SLC25A40: variants seen among roughly 807,000 people sequenced by gnomAD.
SLC25A40 encodes mitochondrial glutathione transporter SLC25A40.
SLC25A40 carries 41 observed loss-of-function variants against 46.5 expected under a neutral mutation model. That is an observed-to-expected ratio of 0.88 (90% CI 0.69 to 1.14). The LOEUF is 1.14. Ranked by LOEUF, SLC25A40 falls within the 50% of genes most tolerant of loss-of-function variation. SLC25A40 has a pLI of 0.00. For missense variants in SLC25A40, 386 were observed against 393.6 expected, an observed-to-expected ratio of 0.98 and a Z score of 0.16; for synonymous variants, 126 against 127.5, an observed-to-expected ratio of 0.99 and a Z score of 0.08.
chr7:87,864,937 T>A (rs767400540), intron 1 of SLC25A40, among the ~76,000 whole-genome samples: 3 of 152,068 alleles, frequency 2.0e-5, no homozygotes, highest in Non-Finnish European at 2.9e-5. Flanking sequence ...TTTTCTTTGT[T>A]AGCATGTTTT....
chr7:87,866,241 TC>T (rs1838796721), intron 1 of SLC25A40, among the ~76,000 whole-genome samples: 1 of 152,228 alleles, frequency 6.6e-6, no homozygotes, highest in Non-Finnish European at 1.5e-5. Context: ...TGGTGAATCC[TC>T]CTAGCTTTTG....
At chr7:87,849,688 G>A (rs1293931027) in intron 6 of SLC25A40, among the ~76,000 whole-genome samples, 193 bp downstream of exon 6, 1 of 152,162 alleles carries the variant, frequency 6.6e-6, no homozygotes, top group Non-Finnish European at 1.5e-5. Flanking sequence ...ATCTGTGAAT[G>A]TAACCTCTTC....
At chr7:87,841,488 C>G (rs558248924) in intron 10 of SLC25A40, 145 bp downstream of exon 10, 2 of 426,822 alleles carry the variant, frequency 4.7e-6, no homozygotes, top group Non-Finnish European at 7.9e-6. Context: ...GTATTCCATT[C>G]TAACAGTATA....
At chr7:87,839,359 C>CTAAG (rs142350880) in intron 10 of SLC25A40, among the ~76,000 whole-genome samples, 15,767 of 149,578 alleles carry the variant, frequency 0.11, 1,032 homozygotes, top group African/African-American at 0.19. Flanking sequence ...AACCAACGTA[C>CTAAG]TATTTATTAA....
chr7:87,861,535 A>G (rs1196234746), intron 1 of SLC25A40, among the ~76,000 whole-genome samples: 3 of 152,216 alleles, frequency 2.0e-5, no homozygotes, highest in African/African-American at 7.2e-5. Context: ...GTAAACATAT[A>G]CCATATTTCA....
Position 87,833,942 on chromosome 7 carries a change from T to C in SLC25A40, c.*2307A>G, listed in dbSNP as rs1044654870. ...TCCTAGAAAAAAAAATATTGCCTTT[T>C]AAAAAAAATCAAATATGTACTACTT... On this transcript the variant is annotated 3_prime_UTR_variant, in exon 12 of 12. Transcript: ENST00000341119. The C allele has an allele frequency of 6.6e-6, 1 of 151,766 alleles. No individual in the cohort carries two copies. The highest frequency in any genetic ancestry group is 2.4e-5 in the African/African-American group (1 of 41,374). The allele number at this position is 151,766 out of a possible 1,614,324, so 9.4% of individuals were successfully genotyped here.
intron 9 of SLC25A40, among the ~76,000 whole-genome samples, chr7:87,842,921 A>C (rs897572710): frequency 6.6e-6 from 1 of 152,046 alleles, no homozygotes; most frequent in African/African-American, 2.4e-5. Flanking sequence ...TTTTTTGTTC[A>C]ATAGACTTAT....
At chr7:87,854,977 C>T (rs1838585018) in intron 4 of SLC25A40, among the ~76,000 whole-genome samples, 1 of 151,834 alleles carries the variant, frequency 6.6e-6, no homozygotes, top group African/African-American at 2.4e-5. Context: ...CTGGGCTACA[C>T]AGTGAGCCTC....
At chr7:87,869,238 C>T (rs921585899) in intron 1 of SLC25A40, among the ~76,000 whole-genome samples, 1 of 152,088 alleles carries the variant, frequency 6.6e-6, no homozygotes, top group Non-Finnish European at 1.5e-5. Flanking sequence ...GAAAACTCGC[C>T]CCTCTGGCTG....
intron 1 of SLC25A40, among the ~76,000 whole-genome samples, chr7:87,867,702 C>A (rs1339700790): frequency 6.6e-6 from 1 of 152,066 alleles, no homozygotes; most frequent in Non-Finnish European, 1.5e-5. Flanking sequence ...TCTTTTTGGT[C>A]TGGATTGTTT....
intron 10 of SLC25A40, among the ~76,000 whole-genome samples, chr7:87,838,039 A>G (rs950752659): frequency 6.6e-6 from 1 of 151,624 alleles, no homozygotes; most frequent in East Asian, 1.9e-4. Flanking sequence ...TTTCATTTAT[A>G]TAAAATATCA....
Position 87,854,322 on chromosome 7 carries a change from G to A in SLC25A40, c.158-12C>T. 6 of 1,523,476 alleles carry A rather than the reference G, an allele frequency of 3.9e-6. No homozygotes were observed. The highest frequency in any genetic ancestry group is 5.4e-6 in the Non-Finnish European group (6 of 1,108,498). The allele number at this position is 1,523,476 out of a possible 1,614,324, so 94.4% of individuals were successfully genotyped here. A position where few individuals can be genotyped will look rare whatever the true frequency, so the allele number is the denominator to read the frequency against. ...TACAAAACATTTTCCTAACAAAGAA[G>A]ATTCCAACAACCAACAATTACCTCA... On this transcript the variant is annotated splice_polypyrimidine_tract_variant and intron_variant, in intron 4 of 11. Transcript: ENST00000341119.
At position 87,843,853 on chromosome 7, in the gene SLC25A40, C is replaced by A; in HGVS notation, c.642G>T (p.Trp214Cys). 1 of 1,588,764 alleles carries A rather than the reference C, an allele frequency of 6.3e-7. No homozygotes were observed. Among genetic ancestry groups the A allele is most frequent in the Non-Finnish European group, 8.6e-7 (1 of 1,160,052 alleles). The change falls in exon 9 of 12, where the codon TGG becomes TGT. Residue 214 changes from tryptophan to cysteine, a missense_variant. By Grantham distance (215) the Trp-to-Cys change is radical. Transcript: ENST00000341119. Reference protein sequence around the residue: ...LRDVPFSAMYWYNYEILKKWL... With the variant: ...LRDVPFSAMYCYNYEILKKWL... ...ACTTCTTTAAAATTTCATAGTTATACCAGTACATTGCTATAAAAACAGAGA... is the reference window on the plus strand; with the variant it reads ...ACTTCTTTAAAATTTCATAGTTATAACAGTACATTGCTATAAAAACAGAGA...
At chr7:87,842,846 T>C (rs1469181555) in intron 9 of SLC25A40, among the ~76,000 whole-genome samples, 1 of 152,062 alleles carries the variant, frequency 6.6e-6, no homozygotes, top group Non-Finnish European at 1.5e-5. Context: ...AATAGAGGAC[T>C]TTCCTTCATA....
rs1000616551 is a variant in SLC25A40, at chr7:87,836,033, G to A, written c.*216C>T. 4 of 405,144 alleles carry A rather than the reference G, an allele frequency of 9.9e-6. No individual in the cohort carries two copies. The highest frequency in any genetic ancestry group is 1.7e-5 in the Non-Finnish European group (4 of 231,454). 25.1% of individuals were successfully genotyped at this position (405,144 alleles called of 1,614,324 possible). A position where few individuals can be genotyped will look rare whatever the true frequency, so the allele number is the denominator to read the frequency against. On this transcript the variant is annotated 3_prime_UTR_variant, in exon 12 of 12. Coordinates refer to ENST00000341119, the MANE Select transcript of SLC25A40 (RefSeq NM_018843.4). ...ATCTATTTTTACAAGAATGCTCAATGGTGGTGATTTCTAGAATATCTTTTT... is the reference window on the plus strand; with the variant it reads ...ATCTATTTTTACAAGAATGCTCAATAGTGGTGATTTCTAGAATATCTTTTT...
At chr7:87,847,661 CT>C (rs898185998) in intron 7 of SLC25A40, among the ~76,000 whole-genome samples, 191 bp downstream of exon 7, 8 of 152,300 alleles carry the variant, frequency 5.3e-5, no homozygotes, top group Admixed American at 4.6e-4. Context: ...CTGAGCCCAT[CT>C]CATTCTGATG....
chr7:87,872,231 G>A (rs148716149), intron 1 of SLC25A40, among the ~76,000 whole-genome samples: 1 of 152,140 alleles, frequency 6.6e-6, no homozygotes, highest in Non-Finnish European at 1.5e-5. Flanking sequence ...AAAATGGCAA[G>A]AACTACCTAA....
Position 87,834,254 on chromosome 7 carries a change from C to T in SLC25A40, c.*1995G>A, listed in dbSNP as rs1838230047. On this transcript the variant is annotated 3_prime_UTR_variant, in exon 12 of 12. Transcript: ENST00000341119. Reference sequence around the variant, plus strand: ...GCCAATTATAGTTCAATTATTTTATCAGACAGAACTCTGAGAGCAAATTAA... The same window carrying T: ...GCCAATTATAGTTCAATTATTTTATTAGACAGAACTCTGAGAGCAAATTAA... 1 of 151,694 alleles carries T rather than the reference C, an allele frequency of 6.6e-6. No homozygotes were observed. Among genetic ancestry groups the T allele is most frequent in the South Asian group, 2.1e-4 (1 of 4,812 alleles). The allele number at this position is 151,694 out of a possible 1,614,324, so 9.4% of individuals were successfully genotyped here.
chr7:87,841,478 G>T (rs1195210873), intron 10 of SLC25A40, among the ~76,000 whole-genome samples, 155 bp downstream of exon 10: 2 of 151,348 alleles, frequency 1.3e-5, no homozygotes, highest in East Asian at 3.9e-4. Flanking sequence ...GTTTTTCTGG[G>T]TATTCCATTC....
Sources: allele counts gnomAD v4.1 joint callset (sites outside exome capture counted in the v4.1 genomes callset), GRCh38; gene constraint gnomAD v4.1.1; transcripts MANE v1.5; gene names NCBI Gene and HGNC (gene_info 2026-07-23, HGNC 2026-07-21).